BLTP3B: variants seen among roughly 807,000 people sequenced by gnomAD.
BLTP3B encodes the protein bridge-like lipid transfer protein family member 3B, also known as UHRF1 (ICBP90) binding protein 1-like.
At chr12:100,132,652 A>G in the BLTP3B span, among the ~76,000 whole-genome samples, 1 of 152,146 alleles carries the variant, frequency 6.6e-6, no homozygotes, top group Non-Finnish European at 1.5e-5. Context: ...CTTTATAAAT[A>G]AACCTATTTT....
At chr12:100,039,368 G>GA in the BLTP3B span, among the ~76,000 whole-genome samples, 1 of 151,944 alleles carries the variant, frequency 6.6e-6, no homozygotes, top group Non-Finnish European at 1.5e-5. Context: ...AATCTACAAG[G>GA]AAAAATCACA....
chr12:100,072,752 G>A, the BLTP3B span: 2 of 1,607,786 alleles, frequency 1.2e-6, no homozygotes, highest in Non-Finnish European at 1.7e-6. Flanking sequence ...AAGATATAGG[G>A]ATTTTTTATT....
chr12:100,048,187 T>C, the BLTP3B span: 3 of 1,583,998 alleles, frequency 1.9e-6, no homozygotes, highest in East Asian at 6.7e-5. Flanking sequence ...TACAGCTTTC[T>C]GATCGGAACC....
the BLTP3B span, among the ~76,000 whole-genome samples, chr12:100,142,308 CG>C: frequency 6.6e-6 from 1 of 152,192 alleles, no homozygotes; most frequent in African/African-American, 2.4e-5. Context: ...CGCCCCCAGA[CG>C]CCGCGCCGGG....
chr12:100,137,699 T>C, the BLTP3B span, among the ~76,000 whole-genome samples: 1 of 152,166 alleles, frequency 6.6e-6, no homozygotes, highest in Non-Finnish European at 1.5e-5. Context: ...ACCCTAGACT[T>C]CAAAAATAAG....
chr12:100,058,034 A>T, the BLTP3B span: 4 of 1,563,160 alleles, frequency 2.6e-6, no homozygotes, highest in South Asian at 3.7e-5. Context: ...GTTACCTTAA[A>T]GATGACTGTG....
chr12:100,125,641 A>G, the BLTP3B span, among the ~76,000 whole-genome samples: 8 of 152,112 alleles, frequency 5.3e-5, no homozygotes, highest in African/African-American at 1.9e-4. Context: ...GAGTGAGGGG[A>G]GCAGGGCAGG....
the BLTP3B span, among the ~76,000 whole-genome samples, chr12:100,075,714 C>T: frequency 6.6e-6 from 1 of 152,124 alleles, no homozygotes; most frequent in Non-Finnish European, 1.5e-5. Context: ...ATATGTGCAG[C>T]CAACAAGCAT....
At chr12:100,039,710 A>C in the BLTP3B span, 1 of 1,614,052 alleles carries the variant, frequency 6.2e-7, no homozygotes, top group Non-Finnish European at 8.5e-7. Context: ...TCTTCAGATC[A>C]TACTTTCCAC....
At chr12:100,094,684 C>G in the BLTP3B span, among the ~76,000 whole-genome samples, 3 of 152,174 alleles carry the variant, frequency 2.0e-5, no homozygotes, top group African/African-American at 7.2e-5. Flanking sequence ...CAGCGAAACT[C>G]CATCTCTAAC....
chr12:100,138,069 C>G, the BLTP3B span, among the ~76,000 whole-genome samples: 1 of 152,154 alleles, frequency 6.6e-6, no homozygotes, highest in Non-Finnish European at 1.5e-5. Context: ...ATTTTGCCTC[C>G]TATGAGACAT....
the BLTP3B span, among the ~76,000 whole-genome samples, chr12:100,115,371 A>G: frequency 6.6e-6 from 1 of 152,166 alleles, no homozygotes; most frequent in Non-Finnish European, 1.5e-5. Flanking sequence ...ACACCACCAC[A>G]CTCCAGCCTA....
chr12:100,098,236 AAAGT>A, the BLTP3B span: 1 of 1,162,032 alleles, frequency 8.6e-7, no homozygotes, highest in Non-Finnish European at 1.2e-6. Context: ...CTCCCCAAAA[AAAGT>A]AATACAGAGA....
At chr12:100,120,032 T>C in the BLTP3B span, among the ~76,000 whole-genome samples, 3 of 152,362 alleles carry the variant, frequency 2.0e-5, no homozygotes, top group South Asian at 6.2e-4. Flanking sequence ...AAAAGACTTG[T>C]ACCTACAATT....
the BLTP3B span, chr12:100,051,371 T>A: frequency 1.7e-6 from 1 of 593,128 alleles, no homozygotes; most frequent in Non-Finnish European, 2.7e-6. Context: ...AATTAGATTG[T>A]AATTAGTTAG....
chr12:100,103,761 G>T, the BLTP3B span: 1 of 557,596 alleles, frequency 1.8e-6, no homozygotes. Context: ...TCATTTAAAG[G>T]ATGAAAAACC....
At chr12:100,120,447 A>G in the BLTP3B span, among the ~76,000 whole-genome samples, 1 of 152,168 alleles carries the variant, frequency 6.6e-6, no homozygotes, top group Non-Finnish European at 1.5e-5. Context: ...AAGAAGACAC[A>G]GATGGCAGAT....
At chr12:100,058,653 G>A in the BLTP3B span, 1 of 1,613,954 alleles carries the variant, frequency 6.2e-7, no homozygotes, top group African/African-American at 1.3e-5. Flanking sequence ...TTGATCCACT[G>A]GATGGAGCAA....
At chr12:100,117,237 G>C in the BLTP3B span, among the ~76,000 whole-genome samples, 1 of 152,090 alleles carries the variant, frequency 6.6e-6, no homozygotes, top group Non-Finnish European at 1.5e-5. Flanking sequence ...AAGAAAATGG[G>C]GAAAAGAATA....
Sources: allele counts gnomAD v4.1 joint callset (sites outside exome capture counted in the v4.1 genomes callset), GRCh38; gene constraint gnomAD v4.1.1; transcripts MANE v1.5; gene names NCBI Gene and HGNC (gene_info 2026-07-23, HGNC 2026-07-21).